Variants in ABCC1 observed in about 807,000 individuals in gnomAD.
ABCC1 encodes multidrug resistance-associated protein 1.
Under a neutral mutation model 172.9 loss-of-function variants are expected in ABCC1, and 83 were observed. The observed-to-expected ratio is 0.48, with a 90% CI of 0.40 to 0.58. The LOEUF is 0.58. Ranked by LOEUF, ABCC1 falls within the 20% of genes least tolerant of loss-of-function variation. The probability of loss-of-function intolerance (pLI) is 0.00; values close to 1 mark genes in which losing one functional copy is unlikely to be tolerated. For synonymous variants in ABCC1, 937 were observed against 825.2 expected (o/e 1.14, Z -2.32); for missense variants, 1,817 against 2,002.7 (o/e 0.91, Z 1.77).
chr16:16,040,333 G>C (rs778392308), intron 7 of ABCC1, among the ~76,000 whole-genome samples: 14 of 151,722 alleles, frequency 9.2e-5, no homozygotes, highest in Non-Finnish European at 1.8e-4. Flanking sequence ...TGTTGCTTAG[G>C]CTGGAGTGCA....
At chr16:15,996,297 A>C (rs748995995) in intron 1 of ABCC1, among the ~76,000 whole-genome samples, 1 of 151,866 alleles carries the variant, frequency 6.6e-6, no homozygotes, top group South Asian at 2.1e-4. Context: ...AAGTTTTTAA[A>C]TTTTTTTGTA....
chr16:16,071,336 G>A (rs2050341291), intron 13 of ABCC1, among the ~76,000 whole-genome samples: 1 of 151,308 alleles, frequency 6.6e-6, no homozygotes, highest in Non-Finnish European at 1.5e-5. Context: ...GACCTCAAGT[G>A]ATCTGCCTGC....
At position 15,984,448 on chromosome 16, in the gene ABCC1, C is replaced by CGTTTTTTTTTTTTTTTTT. The variant is rs61396501; in HGVS notation, c.49-23368_49-23367insGTTTTTTTTTTTTTTTTT. Among the ~76,000 whole-genome samples, 11 of 146,950 alleles carry CGTTTTTTTTTTTTTTTTT rather than the reference C, an allele frequency of 7.5e-5. 4 individuals are homozygous for CGTTTTTTTTTTTTTTTTT. The highest frequency in any genetic ancestry group is 1.0e-4 in the African/African-American group (4 of 39,808). On this transcript the variant is annotated intron_variant, in intron 1 of 30. Transcript: ENST00000399410. ...TTTTTATTGTTTACCTTGATATATA[C>CGTTTTTTTTTTTTTTTTT]TTTTTTTTTTTTTGAGATAGAGTCT... is the stretch of plus-strand genomic sequence containing the variant.
chr16:16,127,922 T>A (rs2045505900), intron 26 of ABCC1, among the ~76,000 whole-genome samples: 1 of 151,938 alleles, frequency 6.6e-6, no homozygotes, highest in Non-Finnish European at 1.5e-5. Context: ...TTAGGTTTTT[T>A]TTTTTTTTTT....
At chr16:16,007,702 A>G in intron 1 of ABCC1, 114 bp from the exon 2 acceptor site, 2 of 1,003,546 alleles carry the variant, frequency 2.0e-6, no homozygotes, top group South Asian at 1.7e-5. Context: ...CCTTGGATAT[A>G]TAGGAGCCTT....
chr16:16,006,425 G>A (rs11862552), intron 1 of ABCC1, among the ~76,000 whole-genome samples: 11 of 149,156 alleles, frequency 7.4e-5, no homozygotes, highest in Non-Finnish European at 5.9e-5. Flanking sequence ...TTCAAAAAAA[G>A]AAAAAAAAAA....
At chr16:15,994,977 A>T (rs1175712579) in intron 1 of ABCC1, among the ~76,000 whole-genome samples, 2 of 151,806 alleles carry the variant, frequency 1.3e-5, no homozygotes, top group African/African-American at 4.8e-5. Flanking sequence ...CTAAAAATGC[A>T]AAAATTAGCC....
At chr16:16,045,647 T>TA (rs1395233854) in intron 8 of ABCC1, among the ~76,000 whole-genome samples, 189 bp from the exon 9 acceptor site, 3 of 152,136 alleles carry the variant, frequency 2.0e-5, no homozygotes, top group African/African-American at 7.2e-5. Context: ...AGAGGCCTCT[T>TA]TTATGAGCAG....
Position 16,083,408 on chromosome 16 carries a change from G to T in ABCC1, c.2158G>T (p.Asp720Tyr). Residue 720 changes from aspartate to tyrosine, a missense_variant, in exon 17 of 31, where the codon GAT becomes TAT. Transcript: ENST00000399410. ...GCCACAGCAGGCCTGGATTCAGAAT[G>T]ATTCTCTCCGAGAAAACATCCTTTT... The part of the protein sequence containing the change: ...YVPQQAWIQN[D>Y]SLRENILFGC... 1 of 1,613,870 alleles carries T rather than the reference G, an allele frequency of 6.2e-7. No individual in the cohort carries two copies. The highest frequency in any genetic ancestry group is 8.5e-7 in the Non-Finnish European group (1 of 1,180,044).
At chr16:16,118,644 G>T (rs2045010779) in intron 23 of ABCC1, among the ~76,000 whole-genome samples, 1 of 151,738 alleles carries the variant, frequency 6.6e-6, no homozygotes, top group Admixed American at 6.6e-5. Flanking sequence ...GGAGCACCAA[G>T]GATTTTTATT....
chr16:16,056,953 C>T (rs1174909701), intron 12 of ABCC1, among the ~76,000 whole-genome samples: 2 of 152,106 alleles, frequency 1.3e-5, no homozygotes, highest in Non-Finnish European at 2.9e-5. Flanking sequence ...TGTGGTGCTG[C>T]GTCCTTATTT....
rs2046148175 is a variant in ABCC1 at position 16,142,169 on chromosome 16, G to A, written c.*888G>A. 1 of 152,144 alleles carries A rather than the reference G, an allele frequency of 6.6e-6. No homozygotes were observed. Among genetic ancestry groups the A allele is most frequent in the Non-Finnish European group, 1.5e-5 (1 of 68,040 alleles). The allele number at this position is 152,144 out of a possible 1,614,324, so 9.4% of individuals were successfully genotyped here. On this transcript the variant is annotated 3_prime_UTR_variant, in exon 31 of 31. Transcript: ENST00000399410. ...CTGTTCCCACCATGATTGATGTGGG[G>A]TAAATATTAAGGAGATGGCCTCATG... is the stretch of plus-strand genomic sequence containing the variant.
chr16:16,039,701 C>G (rs990089211), intron 7 of ABCC1, among the ~76,000 whole-genome samples: 4 of 152,204 alleles, frequency 2.6e-5, no homozygotes, highest in Admixed American at 1.3e-4. Flanking sequence ...AGTGTTACTG[C>G]TTTTTGAAGT....
chr16:15,964,487 C>T (rs552455367), intron 1 of ABCC1, among the ~76,000 whole-genome samples: 10 of 152,268 alleles, frequency 6.6e-5, no homozygotes, highest in African/African-American at 2.4e-4. Flanking sequence ...GATTCCAATT[C>T]AGATTACAAT....
intron 28 of ABCC1, 142 bp from the exon 29 acceptor site, chr16:16,136,336 A>T: frequency 1.0e-6 from 1 of 959,324 alleles, no homozygotes; most frequent in Non-Finnish European, 1.5e-6. Context: ...TTTCTCCATT[A>T]TTAACATCTC....
intron 1 of ABCC1, among the ~76,000 whole-genome samples, chr16:16,005,433 C>T (rs771198141): frequency 1.1e-4 from 16 of 151,676 alleles, no homozygotes; most frequent in East Asian, 2.0e-4. Flanking sequence ...CTGCAACCTC[C>T]GCCTCCTGGG....
chr16:15,958,506 C>T lies in ABCC1; in HGVS notation c.48+8707C>T, dbSNP rs534985481. ...CTGTTGGTATCTGAGTTGGCATCTC[C>T]TGCTTTGCAGGCCAACCTTGAAGTT... On this transcript the variant is annotated intron_variant, in intron 1 of 30. Coordinates refer to ENST00000399410, the MANE Select transcript of ABCC1 (RefSeq NM_004996.4). Among the ~76,000 whole-genome samples, 13 of 152,206 alleles carry T rather than the reference C, an allele frequency of 8.5e-5. 1 individual carries two copies. Among genetic ancestry groups the T allele is most frequent in the Admixed American group, 4.6e-4 (7 of 15,276 alleles).
At position 16,007,926 on chromosome 16, in the gene ABCC1, C is replaced by T; in HGVS notation, c.159C>T (p.Tyr53=). The change falls in exon 2 of 31, where the codon TAC becomes TAT. Residue 53 remains tyrosine, a synonymous_variant. Transcript: ENST00000399410. ...ACCTCTGGGCCTGTTTCCCCTTCTA[C>T]TTCCTCTATCTCTCCCGACATGACC... ...CFYLWACFPF[Y]FLYLSRHDRG... 2 of 1,612,600 alleles carry T rather than the reference C, an allele frequency of 1.2e-6. No homozygotes were observed. The highest frequency in any genetic ancestry group is 1.3e-5 in the African/African-American group (1 of 74,752).
chr16:16,085,966 G>A (rs2050990049), intron 17 of ABCC1, among the ~76,000 whole-genome samples: 1 of 152,198 alleles, frequency 6.6e-6, no homozygotes, highest in Admixed American at 6.5e-5. Context: ...TCCTCCTGGT[G>A]ACTGGGATGT....
Sources: gnomAD v4.1 joint callset for allele counts (sites outside exome capture counted in the v4.1 genomes callset) on GRCh38, gnomAD v4.1.1 for gene constraint, MANE v1.5 for transcripts, NCBI Gene and HGNC (gene_info 2026-07-23, HGNC 2026-07-21) for gene names.